The following SPTBN1 variants were observed in gnomAD, a reference collection of about 807,000 sequenced individuals.
SPTBN1 encodes the protein spectrin beta chain, non-erythrocytic 1.
A neutral mutation model predicts 266.4 loss-of-function variants in SPTBN1; 32 were observed. The ratio of observed to expected loss-of-function variants is 0.12; its 90% confidence interval spans 0.09 to 0.16. The LOEUF is 0.16. SPTBN1 is among the 10% of genes least tolerant of loss of function. SPTBN1 has a pLI of 1.00. For synonymous variants in SPTBN1, 1,336 were observed against 1,162.2 expected (o/e 1.15, Z -3.04); for missense variants, 2,296 against 3,067.1 (o/e 0.75, Z 5.94).
chr2:54,494,927 A>C (rs1158623546), intron 1 of SPTBN1, among the ~76,000 whole-genome samples: 6 of 152,108 alleles, frequency 3.9e-5, no homozygotes, highest in Admixed American at 2.0e-4. Context: ...TAAAAAAAAA[A>C]AAATGTCCTG....
chr2:54,662,355 G>T (rs1183044571), intron 32 of SPTBN1: 2 of 980,284 alleles, frequency 2.0e-6, no homozygotes, highest in East Asian at 2.3e-4. Context: ...AAACATTAAT[G>T]ATCTCTGCAT....
At chr2:54,477,545 C>G (rs1667899045) in intron 1 of SPTBN1, among the ~76,000 whole-genome samples, 1 of 151,926 alleles carries the variant, frequency 6.6e-6, no homozygotes, top group Non-Finnish European at 1.5e-5. Flanking sequence ...TGTTTTATGA[C>G]AGGAAACACA....
chr2:54,557,634 A>G (rs1672963388), intron 2 of SPTBN1: 3 of 827,224 alleles, frequency 3.6e-6, no homozygotes, highest in African/African-American at 3.7e-5. Context: ...CGGATCATAA[A>G]CAACTCCAGG....
intron 3 of SPTBN1, among the ~76,000 whole-genome samples, chr2:54,611,869 A>G (rs372786600): frequency 2.0e-5 from 3 of 152,204 alleles, no homozygotes; most frequent in Non-Finnish European, 4.4e-5. Flanking sequence ...GAAATTCTCC[A>G]TGAAAATTGG....
chr2:54,491,863 T>C (rs1668701615), intron 1 of SPTBN1, among the ~76,000 whole-genome samples: 1 of 152,194 alleles, frequency 6.6e-6, no homozygotes, highest in Admixed American at 6.5e-5. Context: ...CCTCCCAAAG[T>C]GCTGGGATTA....
chr2:54,613,226 G>A (rs545752565), intron 4 of SPTBN1, among the ~76,000 whole-genome samples: 2 of 152,132 alleles, frequency 1.3e-5, no homozygotes, highest in East Asian at 1.9e-4. Context: ...GTTTCTCTGC[G>A]AACAAATATT....
intron 1 of SPTBN1, among the ~76,000 whole-genome samples, chr2:54,469,252 G>C (rs1260465046): frequency 1.3e-5 from 2 of 152,122 alleles, no homozygotes; most frequent in Non-Finnish European, 2.9e-5. Flanking sequence ...GTGGGAAGAG[G>C]GGAGAAATAT....
chr2:54,578,776 G>A (rs1674675617), intron 2 of SPTBN1, among the ~76,000 whole-genome samples: 1 of 151,800 alleles, frequency 6.6e-6, no homozygotes, highest in Non-Finnish European at 1.5e-5. Context: ...GTGTGTGTGT[G>A]TGATGATAAT....
rs905156411 is a variant in SPTBN1, at chr2:54,554,458, C to T, written c.148+27892C>T. On this transcript the variant is annotated intron_variant, in intron 2 of 35. Coordinates refer to ENST00000356805, the MANE Select transcript of SPTBN1 (RefSeq NM_003128.3). The surrounding 1 kb of genome is among the most constrained non-coding windows in gnomAD (Gnocchi z 4.5). ...CCAAGTGTGATGGTTCTGGTTATTA[C>T]GGCCATTCAGTTTAAGTGGAGATTG... Among the ~76,000 whole-genome samples the T allele has an allele frequency of 9.9e-5, 15 of 152,148 alleles. No homozygotes were observed. Among genetic ancestry groups the T allele is most frequent in the South Asian group, 2.1e-4 (1 of 4,830 alleles).
intron 2 of SPTBN1, among the ~76,000 whole-genome samples, chr2:54,584,304 TC>T (rs1675139120): frequency 6.6e-6 from 1 of 152,236 alleles, no homozygotes; most frequent in Non-Finnish European, 1.5e-5. Flanking sequence ...TCTAGTCTTT[TC>T]TGTTTTGCTG....
rs143187214 is a variant in SPTBN1, at chr2:54,645,489, C to T, written c.4494+36C>T. 6.2e-4 allele frequency: 999 copies of T among 1,601,480 alleles called. 10 individuals carry two copies. In the East Asian group the frequency reaches 0.02, roughly 32 times the overall value. On this transcript the variant is annotated intron_variant, in intron 21 of 35. Transcript: ENST00000356805. The surrounding 1 kb of genome is among the most constrained non-coding windows in gnomAD (Gnocchi z 4.3). Reference sequence around the variant, plus strand: ...CCCTACTGCACACATGGCTTTTCCACGAGCCCCCTTGCCTGTGCTAAAGCC... The same window carrying T: ...CCCTACTGCACACATGGCTTTTCCATGAGCCCCCTTGCCTGTGCTAAAGCC...
chr2:54,497,586 T>C (rs956759126), intron 1 of SPTBN1, among the ~76,000 whole-genome samples: 2 of 152,170 alleles, frequency 1.3e-5, no homozygotes, highest in Non-Finnish European at 2.9e-5. Context: ...TTTTAAACTT[T>C]GAACAACTGC....
intron 1 of SPTBN1, among the ~76,000 whole-genome samples, chr2:54,477,236 T>A (rs572890164): frequency 1.3e-5 from 2 of 152,298 alleles, no homozygotes; most frequent in Non-Finnish European, 2.9e-5. Context: ...ATGTAACAAA[T>A]CTTAGTATGG....
chr2:54,637,081 C>G (rs778988181), intron 17 of SPTBN1, among the ~76,000 whole-genome samples: 6 of 152,192 alleles, frequency 3.9e-5, no homozygotes, highest in Non-Finnish European at 5.9e-5. Flanking sequence ...TTAGCGTTTA[C>G]CAAATTCAGC....
intron 2 of SPTBN1, among the ~76,000 whole-genome samples, chr2:54,574,303 T>G (rs1238170638): frequency 6.6e-6 from 1 of 152,134 alleles, no homozygotes; most frequent in Non-Finnish European, 1.5e-5. Flanking sequence ...GGAGCCGGCC[T>G]TTGCACCTGG....
At chr2:54,510,519 A>C (rs773051336) in intron 1 of SPTBN1, among the ~76,000 whole-genome samples, 12 of 152,200 alleles carry the variant, frequency 7.9e-5, no homozygotes, top group Non-Finnish European at 1.5e-4. Flanking sequence ...AGTTCCCTCT[A>C]AATGTTCCAA....
At chr2:54,537,645 C>A (rs1328708309) in intron 2 of SPTBN1, among the ~76,000 whole-genome samples, 1 of 152,174 alleles carries the variant, frequency 6.6e-6, no homozygotes. Context: ...AATAGCCAAT[C>A]TGAAGAAAGG....
At chr2:54,655,855 C>G in intron 28 of SPTBN1, 59 bp from the exon 29 acceptor site, 1 of 1,316,530 alleles carries the variant, frequency 7.6e-7, no homozygotes, top group Non-Finnish European at 1.1e-6. Flanking sequence ...AAAATGACCC[C>G]ATCAAGAGGA....
At chr2:54,665,706 C>T (rs1207438338) in intron 33 of SPTBN1, among the ~76,000 whole-genome samples, 4 of 152,164 alleles carry the variant, frequency 2.6e-5, no homozygotes, top group African/African-American at 9.7e-5. Context: ...TGCCCTGTGC[C>T]CTGTCCCTGA....
Sources: gnomAD v4.1 joint callset for allele counts (sites outside exome capture counted in the v4.1 genomes callset) on GRCh38, gnomAD v4.1.1 for gene constraint, Gnocchi (gnomAD v3.1) non-coding constraint, MANE v1.5 for transcripts, NCBI Gene and HGNC (gene_info 2026-07-23, HGNC 2026-07-21) for gene names.